The following PREX1 variants were observed in gnomAD, a reference collection of about 807,000 sequenced individuals.
PREX1 encodes the protein phosphatidylinositol 3,4,5-trisphosphate-dependent Rac exchanger 1 protein.
Under a neutral mutation model 198.3 loss-of-function variants are expected in PREX1, and 41 were observed. That is an observed-to-expected ratio of 0.21 (90% confidence interval 0.16 to 0.27). The LOEUF (loss-of-function observed/expected upper bound fraction) is 0.27. Among genes scored for constraint, PREX1 ranks in the 10% least tolerant of loss-of-function variants. The pLI, the probability that PREX1 is intolerant of heterozygous loss-of-function variation, is 1.00. For missense variants in PREX1, 1,620 were observed against 2,200.7 expected, an observed-to-expected ratio of 0.74 and a Z score of 5.28; for synonymous variants, 843 against 887.2, an observed-to-expected ratio of 0.95 and a Z score of 0.89.
intron 10 of PREX1, among the ~76,000 whole-genome samples, chr20:48,682,835 G>C (rs2089760728): frequency 6.6e-6 from 1 of 152,224 alleles, no homozygotes; most frequent in Non-Finnish European, 1.5e-5. Context: ...ATGAAAGCAG[G>C]TGGCAGCTGG....
intron 6 of PREX1, among the ~76,000 whole-genome samples, chr20:48,707,425 G>A (rs1347856484): frequency 6.6e-6 from 1 of 152,078 alleles, no homozygotes; most frequent in Admixed American, 6.5e-5. Flanking sequence ...AGCCAAACCC[G>A]TAACCTCACA....
chr20:48,689,841 A>C (rs2089807736), intron 9 of PREX1, among the ~76,000 whole-genome samples: 1 of 152,208 alleles, frequency 6.6e-6, no homozygotes, highest in Non-Finnish European at 1.5e-5. Context: ...TAATCCATGG[A>C]TTTGGCCCCG....
chr20:48,717,900 T>C (rs138098359), intron 5 of PREX1, among the ~76,000 whole-genome samples: 2 of 152,340 alleles, frequency 1.3e-5, no homozygotes, highest in African/African-American at 2.4e-5. Context: ...CTCTTGGGTA[T>C]GCAAGGTAGT....
At chr20:48,696,977 T>TACATACACACACACAC (rs111517056) in intron 7 of PREX1, among the ~76,000 whole-genome samples, 178 of 148,706 alleles carry the variant, frequency 1.2e-3, no homozygotes, top group African/African-American at 4.0e-3. Flanking sequence ...TAAATCTCTT[T>TACATACACACACACAC]ACACACACAC....
Position 48,666,215 on chromosome 20 carries a change from T to C in PREX1, c.1738+68A>G. ...CACAGACCTGGCTTCAGTCCTCCCA[T>C]ACTCCCCCAAACCATCAGCTCCAGG... On this transcript the variant is annotated intron_variant, in intron 15 of 39. Transcript: ENST00000371941. The surrounding 1 kb of genome is among the most constrained non-coding windows in gnomAD (Gnocchi z 4.3). The C allele has an allele frequency of 6.8e-7, 1 of 1,467,788 alleles. No homozygotes were observed. The highest frequency in any genetic ancestry group is 9.3e-7 in the Non-Finnish European group (1 of 1,080,174). 90.9% of individuals were successfully genotyped at this position (1,467,788 alleles called of 1,614,324 possible).
At chr20:48,763,253 T>C (rs1175598686) in intron 1 of PREX1, among the ~76,000 whole-genome samples, 1 of 152,260 alleles carries the variant, frequency 6.6e-6, no homozygotes, top group Non-Finnish European at 1.5e-5. Context: ...ACTGTAGCCC[T>C]TATCGTCAGC....
the PREX1 span, among the ~76,000 whole-genome samples, chr20:48,875,380 G>A: frequency 6.6e-6 from 1 of 152,200 alleles, no homozygotes; most frequent in Non-Finnish European, 1.5e-5. Flanking sequence ...CTGTGAGGAG[G>A]AAAGGAGAAG....
chr20:48,810,517 GGCT>G, intron 1 of PREX1, among the ~76,000 whole-genome samples: 1 of 151,524 alleles, frequency 6.6e-6, no homozygotes, highest in Non-Finnish European at 1.5e-5. Context: ...AGGGGTTGGA[GGCT>G]GCAGTGAGCT....
Position 48,644,392 on chromosome 20 carries a change from G to GC in PREX1, c.3601+16dup, listed in dbSNP as rs1568798300. Reference sequence around the variant, plus strand: ...GAGCCTCTCTCCCTGAGCACAGGCCGCTGCCACTCCACTCACCAGACCCCA... The same window carrying GC: ...GAGCCTCTCTCCCTGAGCACAGGCCGCCTGCCACTCCACTCACCAGACCCCA... On this transcript the variant is annotated intron_variant, in intron 27 of 39. Transcript: ENST00000371941. 1 of 1,602,606 alleles carries GC rather than the reference G, an allele frequency of 6.2e-7. No individual in the cohort carries two copies. Among genetic ancestry groups the GC allele is most frequent in the Non-Finnish European group, 8.5e-7 (1 of 1,170,666 alleles).
rs775479372 is a variant in PREX1 at position 48,658,265 on chromosome 20, C to T, written c.1882-37G>A. The stretch of plus-strand genomic sequence containing the variant: ...GGGCAGAAGGAACCCGGTCAGGGAG[C>T]GAGGTGGGCCTACGGCCAGCCCCAC... On this transcript the variant is annotated intron_variant, in intron 16 of 39. Coordinates refer to ENST00000371941, the MANE Select transcript of PREX1 (RefSeq NM_020820.4). 6.9e-6 allele frequency: 11 copies of T among 1,604,498 alleles called. No individual in the cohort carries two copies. In the African/African-American group the frequency reaches 9.4e-5, roughly 14 times the overall value.
intron 14 of PREX1, among the ~76,000 whole-genome samples, chr20:48,670,730 C>A (rs927981923): frequency 2.0e-5 from 3 of 152,178 alleles, no homozygotes; most frequent in Non-Finnish European, 4.4e-5. Context: ...CCTCTGACAC[C>A]CCTGAGAGGT....
chr20:48,827,716 G>C lies in PREX1; in HGVS notation c.145C>G (p.Leu49Val). The change falls in exon 1 of 40, where the codon CTC becomes GTC. Residue 49 changes from leucine (L) to valine (V), a missense_variant. This residue lies in a region of PREX1 where 96 missense variants were observed against 98.7 expected (regional missense o/e 0.97). Coordinates refer to ENST00000371941, the MANE Select transcript of PREX1 (RefSeq NM_020820.4). This position sits in a 1 kb window ranked among gnomAD's most constrained non-coding sequence, Gnocchi z 4.1. ...AARESERQLR[L>V]RLCVLNEILG... is the part of the protein sequence containing the mutation. ...ATCTCGTTGAGGACGCAGAGGCGGA[G>C]GCGCAGCTGGCGCTCGGACTCCCGG... The C allele has an allele frequency of 1.5e-6, 2 of 1,357,922 alleles. No homozygotes were observed. The highest frequency in any genetic ancestry group is 1.9e-6 in the Non-Finnish European group (2 of 1,041,040). The allele number at this position is 1,357,922 out of a possible 1,614,324, so 84.1% of individuals were successfully genotyped here.
intron 1 of PREX1, among the ~76,000 whole-genome samples, chr20:48,755,289 T>A (rs550547178): frequency 1.5e-3 from 228 of 152,280 alleles, no homozygotes; most frequent in African/African-American, 4.8e-3. Flanking sequence ...TGGAAGGAAA[T>A]ACCCATACTA....
chr20:48,677,299 T>C, intron 13 of PREX1, among the ~76,000 whole-genome samples: 1 of 152,154 alleles, frequency 6.6e-6, no homozygotes, highest in East Asian at 1.9e-4. Context: ...TCCCAGGGCC[T>C]GACATCCCAC....
rs2090116676 is a variant in PREX1, at chr20:48,747,911, T to C, written c.220-31A>G. ...GGAGAGAAGCAGAGAGAGGTGAGTG[T>C]CCGCGTCTCCAGCTCTCCCATGGAC... On this transcript the variant is annotated intron_variant, in intron 1 of 39. Transcript: ENST00000371941. 13 of 1,585,554 alleles carry C rather than the reference T, an allele frequency of 8.2e-6. No individual in the cohort carries two copies. The East Asian group carries it at 2.9e-4, about 36-fold the overall frequency.
chr20:48,701,231 T>C (rs984516315), intron 6 of PREX1, among the ~76,000 whole-genome samples: 1 of 152,102 alleles, frequency 6.6e-6, no homozygotes, highest in African/African-American at 2.4e-5. Flanking sequence ...TTATTTTTTT[T>C]AAACGGAATT....
chr20:48,836,961 C>T, the PREX1 span, among the ~76,000 whole-genome samples: 1 of 149,514 alleles, frequency 6.7e-6, no homozygotes, highest in Non-Finnish European at 1.5e-5. Flanking sequence ...AGGGACACAG[C>T]GACATAAAAA....
intron 1 of PREX1, among the ~76,000 whole-genome samples, chr20:48,823,118 T>C (rs1400555918): frequency 6.6e-6 from 1 of 152,244 alleles, no homozygotes; most frequent in African/African-American, 2.4e-5. Flanking sequence ...GGGAGCTTTC[T>C]GCCCACAATC....
chr20:48,800,828 T>TC (rs1229144698), intron 1 of PREX1, among the ~76,000 whole-genome samples: 2 of 152,114 alleles, frequency 1.3e-5, no homozygotes. Context: ...TATCTAATTT[T>TC]TTTTTTTTGT....
Sources: allele counts gnomAD v4.1 joint callset (sites outside exome capture counted in the v4.1 genomes callset), GRCh38; gene constraint gnomAD v4.1.1; regional missense constraint gnomAD v4.1.1; non-coding constraint Gnocchi (gnomAD v3.1); transcripts MANE v1.5; gene names NCBI Gene and HGNC (gene_info 2026-07-23, HGNC 2026-07-21).